The following TRPM7 variants were observed in gnomAD, a reference collection of about 807,000 sequenced individuals.
The protein encoded by TRPM7 is LTRPC ion channel family member 7.
Under a neutral mutation model 229.7 loss-of-function variants are expected in TRPM7, and 134 were observed. That is an observed-to-expected ratio of 0.58 (90% CI 0.51 to 0.67). The LOEUF (loss-of-function observed/expected upper bound fraction) is 0.67, where lower values mean the gene tolerates loss of function less well. Among genes scored for constraint, TRPM7 ranks in the 30% least tolerant of loss-of-function variants. The probability of loss-of-function intolerance (pLI) is 0.00; values close to 1 mark genes in which losing one functional copy is unlikely to be tolerated. For synonymous variants in TRPM7, 699 were observed against 715.2 expected (o/e 0.98, Z 0.36); for missense variants, 1,901 against 2,210.0 (o/e 0.86, Z 2.80).
chr15:50,565,024 C>T (rs1484076355), intron 38 of TRPM7, among the ~76,000 whole-genome samples: 1 of 151,394 alleles, frequency 6.6e-6, no homozygotes. Context: ...GATGGAGTCT[C>T]ACTCTGTCTC....
chr15:50,580,977 G>A (rs1596088879), intron 29 of TRPM7, 69 bp from the exon 30 acceptor site: 1 of 1,481,008 alleles, frequency 6.8e-7, no homozygotes, highest in Non-Finnish European at 9.0e-7. Flanking sequence ...AAGCATAACG[G>A]TTTAACTTTT....
intron 21 of TRPM7, among the ~76,000 whole-genome samples, chr15:50,601,467 C>T (rs904718193): frequency 1.3e-5 from 2 of 152,012 alleles, no homozygotes; most frequent in African/African-American, 4.8e-5. Flanking sequence ...TATGGTGAAA[C>T]CCTGTCTCCA....
At chr15:50,659,998 C>T (rs1268291826) in intron 2 of TRPM7, among the ~76,000 whole-genome samples, 3 of 152,222 alleles carry the variant, frequency 2.0e-5, no homozygotes, top group South Asian at 2.1e-4. Flanking sequence ...AGCAAAACAT[C>T]AATTTCTCCG....
intron 33 of TRPM7, 74 bp from the exon 34 acceptor site, chr15:50,575,209 C>T: frequency 7.4e-7 from 1 of 1,344,364 alleles, no homozygotes; most frequent in Non-Finnish European, 1.0e-6. Flanking sequence ...TAAAAATTAG[C>T]AGGCATCTTT....
intron 1 of TRPM7, among the ~76,000 whole-genome samples, chr15:50,680,192 C>G (rs2062211767): frequency 6.6e-6 from 1 of 151,800 alleles, no homozygotes; most frequent in Non-Finnish European, 1.5e-5. Context: ...TGAGATTGTG[C>G]CACTGCACTC....
intron 3 of TRPM7, among the ~76,000 whole-genome samples, chr15:50,657,136 C>T (rs1468834876): frequency 6.6e-6 from 1 of 152,044 alleles, no homozygotes; most frequent in Non-Finnish European, 1.5e-5. Context: ...CCAGCCTGGC[C>T]AACATGGTGA....
Position 50,596,329 on chromosome 15 carries a change from C to T in TRPM7, c.3216G>A (p.Leu1072=), listed in dbSNP as rs1159255328. Residue 1072 remains leucine (L), a synonymous_variant, in exon 23 of 39, where the codon TTG becomes TTA. Coordinates refer to ENST00000646667, the MANE Select transcript of TRPM7 (RefSeq NM_017672.6). ...GGTAGACTGCTTGAAGAAATGGAGT[C>T]AACCACGTCCCAGGACCACAGATTT... ...IPQICGPGTW[L]TPFLQAVYLF... is the part of the protein sequence containing the mutation. 1 of 1,609,902 alleles carries T rather than the reference C, an allele frequency of 6.2e-7. No homozygotes were observed. Among genetic ancestry groups the T allele is most frequent in the African/African-American group, 1.3e-5 (1 of 74,724 alleles).
At chr15:50,612,350 T>A (rs1185281535) in intron 16 of TRPM7, among the ~76,000 whole-genome samples, 199 bp downstream of exon 16, 2 of 152,154 alleles carry the variant, frequency 1.3e-5, no homozygotes, top group Non-Finnish European at 2.9e-5. Context: ...GAGTTGCAAA[T>A]ATAATAACCT....
chr15:50,685,836 C>A (rs879355021), intron 1 of TRPM7, among the ~76,000 whole-genome samples: 2 of 152,146 alleles, frequency 1.3e-5, no homozygotes, highest in African/African-American at 4.8e-5. Context: ...TTCTCTGGGG[C>A]AAGGGATGCG....
chr15:50,636,455 T>TGGCCA (rs2060911242), intron 7 of TRPM7, among the ~76,000 whole-genome samples: 1 of 152,200 alleles, frequency 6.6e-6, no homozygotes, highest in African/African-American at 2.4e-5. Context: ...CCTCCCAAAG[T>TGGCCA]GCTGCGATTA....
At chr15:50,628,813 CA>C (rs1426805643) in intron 10 of TRPM7, among the ~76,000 whole-genome samples, 2 of 152,178 alleles carry the variant, frequency 1.3e-5, no homozygotes, top group Non-Finnish European at 2.9e-5. Context: ...CTGTTTCTAT[CA>C]CAGAGATAGC....
Position 50,596,345 on chromosome 15 carries a change from C to A in TRPM7, c.3200G>T (p.Gly1067Val). 1 of 1,608,754 alleles carries A rather than the reference C, an allele frequency of 6.2e-7. No homozygotes were observed. The highest frequency in any genetic ancestry group is 8.5e-7 in the Non-Finnish European group (1 of 1,178,502). Residue 1067 changes from glycine to valine, a missense_variant, in exon 23 of 39, where the codon GGT becomes GTT. Around this residue, in one of 8 missense-constraint regions of TRPM7, gnomAD observed 89 missense variants for 178.2 expected, o/e 0.50. Transcript: ENST00000646667. ...AAATGGAGTCAACCACGTCCCAGGACCACAGATTTGAGGGATAACAGAATC... is the reference window on the plus strand; with the variant it reads ...AAATGGAGTCAACCACGTCCCAGGAACACAGATTTGAGGGATAACAGAATC... Reference protein sequence around the residue: ...ANDSVIPQICGPGTWLTPFLQ... With the variant: ...ANDSVIPQICVPGTWLTPFLQ...
chr15:50,644,881 T>C (rs550976341), intron 4 of TRPM7, among the ~76,000 whole-genome samples: 1 of 151,690 alleles, frequency 6.6e-6, no homozygotes, highest in East Asian at 1.9e-4. Flanking sequence ...CTGGAGTCCC[T>C]TAAGAATACT....
intron 23 of TRPM7, among the ~76,000 whole-genome samples, chr15:50,595,412 T>C (rs1358761650): frequency 6.6e-6 from 1 of 151,674 alleles, no homozygotes; most frequent in Non-Finnish European, 1.5e-5. Flanking sequence ...GGAGCAAGAA[T>C]TACAATCTAA....
intron 1 of TRPM7, among the ~76,000 whole-genome samples, chr15:50,682,655 GAACT>G (rs1381988818): frequency 6.6e-6 from 1 of 150,980 alleles, no homozygotes; most frequent in Non-Finnish European, 1.5e-5. Context: ...ATCTCTAAAA[GAACT>G]AACAATTTAA....
Position 50,612,670 on chromosome 15 carries a change from G to C in TRPM7, c.1930C>G (p.His644Asp). ...RQVMARFLWQHGEESMAKALV... is the reference protein window; with the variant it reads ...RQVMARFLWQDGEESMAKALV... Reference sequence around the variant, plus strand: ...GCTTTAGCCATTGATTCTTCACCATGTTGCCATAAAAAACGGGCCATGACC... The same window carrying C: ...GCTTTAGCCATTGATTCTTCACCATCTTGCCATAAAAAACGGGCCATGACC... Residue 644 changes from histidine (H) to aspartate (D), a missense_variant, in exon 16 of 39, where the codon CAT becomes GAT. His to Asp is a moderately conservative substitution (Grantham distance 81). Transcript: ENST00000646667. 1 of 1,614,042 alleles carries C rather than the reference G, an allele frequency of 6.2e-7. No homozygotes were observed. Among genetic ancestry groups the C allele is most frequent in the Non-Finnish European group, 8.5e-7 (1 of 1,179,992 alleles).
In TRPM7 at chr15:50,627,427, TAGAG is replaced by T. The variant is rs1319084853; in HGVS notation, c.1305+718_1305+721del. The stretch of plus-strand genomic sequence containing the variant: ...GGGTATGTAGGGAAAAATGTTAAGA[TAGAG>T]AGACAGGCAAGTACAAAGCCTAGAG... On this transcript the variant is annotated intron_variant, in intron 11 of 38. Coordinates refer to ENST00000646667, the MANE Select transcript of TRPM7 (RefSeq NM_017672.6). 2.6e-5 allele frequency among the ~76,000 whole-genome samples: 4 copies of T among 152,106 alleles called. No homozygotes were observed. In the East Asian group the frequency reaches 7.7e-4, roughly 29 times the overall value.
At chr15:50,565,537 A>C (rs1191054985) in intron 38 of TRPM7, among the ~76,000 whole-genome samples, 1 of 152,210 alleles carries the variant, frequency 6.6e-6, no homozygotes. Flanking sequence ...CAATTCGCCA[A>C]GAAGACATTA....
At chr15:50,574,581 C>A in intron 35 of TRPM7, 56 bp downstream of exon 35, 1 of 1,560,508 alleles carries the variant, frequency 6.4e-7, no homozygotes, top group Non-Finnish European at 8.7e-7. Context: ...AAATGAAGGT[C>A]AAAAGGGACT....
Sources: allele counts gnomAD v4.1 joint callset (sites outside exome capture counted in the v4.1 genomes callset), GRCh38; gene constraint gnomAD v4.1.1; regional missense constraint gnomAD v4.1.1; transcripts MANE v1.5; gene names NCBI Gene and HGNC (gene_info 2026-07-23, HGNC 2026-07-21).